The following INTS10 variants were observed in gnomAD, a reference collection of about 807,000 sequenced individuals.
INTS10 encodes the protein integrator complex subunit 10, also known as chromosome 8 open reading frame 35.
INTS10 carries 44 observed loss-of-function variants against 94.4 expected under a neutral mutation model. That is an observed-to-expected ratio of 0.47 (90% CI 0.37 to 0.60). INTS10 has a LOEUF of 0.60. Ranked by LOEUF, INTS10 falls within the 20% of genes least tolerant of loss-of-function variation. The pLI, the probability that INTS10 is intolerant of heterozygous loss-of-function variation, is 0.00. For missense variants in INTS10, 797 were observed against 868.7 expected, an observed-to-expected ratio of 0.92 and a Z score of 1.04; for synonymous variants, 341 against 320.7, an observed-to-expected ratio of 1.06 and a Z score of -0.68.
chr8:19,823,733 T>G (rs2066570631), intron 6 of INTS10, 140 bp from the exon 7 acceptor site: 2 of 726,812 alleles, frequency 2.8e-6, no homozygotes, highest in African/African-American at 3.6e-5. Flanking sequence ...TGGCCTCTTG[T>G]CGGTCCTTGA....
At chr8:19,821,956 C>T (rs938725309) in intron 4 of INTS10, 1 of 152,710 alleles carries the variant, frequency 6.5e-6, no homozygotes, top group Non-Finnish European at 1.5e-5. Flanking sequence ...GAAAGGTAGC[C>T]TTAAAACTCT....
At chr8:19,818,121 A>T (rs567905066) in intron 1 of INTS10, 154 bp from the exon 2 acceptor site, 3 of 741,322 alleles carry the variant, frequency 4.0e-6, no homozygotes, top group East Asian at 2.5e-5. Context: ...TCTAAGCCCA[A>T]TGGCAAGTCT....
chr8:19,844,541 C>T lies in INTS10; in HGVS notation c.1882+303C>T, dbSNP rs142777844. ...AGGTTGCTGATAGGTCCAGCTTGCC[C>T]GGTTTAGTCAAGGAATATAATACTA... On this transcript the variant is annotated intron_variant, in intron 15 of 16. Coordinates refer to ENST00000397977, the MANE Select transcript of INTS10 (RefSeq NM_018142.4). Among the ~76,000 whole-genome samples, 382 of 152,248 alleles carry T rather than the reference C, an allele frequency of 2.5e-3. 2 individuals carry two copies. Among genetic ancestry groups the T allele is most frequent in the African/African-American group, 8.7e-3 (361 of 41,540 alleles).
At chr8:19,839,071 C>T (rs569299421) in intron 13 of INTS10, among the ~76,000 whole-genome samples, 2 of 144,796 alleles carry the variant, frequency 1.4e-5, no homozygotes, top group Non-Finnish European at 3.0e-5. Flanking sequence ...GACTCCGTTT[C>T]AAAAAAAAAA....
intron 9 of INTS10, among the ~76,000 whole-genome samples, chr8:19,829,999 A>G (rs2067108894): frequency 1.3e-5 from 2 of 152,206 alleles, no homozygotes; most frequent in South Asian, 4.1e-4. Context: ...GTACATGCCA[A>G]ACCATTATTT....
rs1268805510 is a variant in INTS10, at chr8:19,849,983, C to CCAAT, written c.1977-1665_1977-1664insAATC. The stretch of plus-strand genomic sequence containing the variant: ...TTAAAAGCAGGGTTTATTAGCCAGG[C>CCAAT]CTGGTGGCATATGCCTGTAATCCCA... On this transcript the variant is annotated intron_variant, in intron 16 of 16. Coordinates refer to ENST00000397977, the MANE Select transcript of INTS10 (RefSeq NM_018142.4). The surrounding 1 kb of genome is among the most constrained non-coding windows in gnomAD (Gnocchi z 4.6). Among the ~76,000 whole-genome samples, 2 of 151,898 alleles carry CCAAT rather than the reference C, an allele frequency of 1.3e-5. No homozygotes were observed. Among genetic ancestry groups the CCAAT allele is most frequent in the Non-Finnish European group, 2.9e-5 (2 of 68,000 alleles).
intron 5 of INTS10, among the ~76,000 whole-genome samples, chr8:19,822,721 G>A (rs527741450): frequency 7.3e-4 from 111 of 152,218 alleles, no homozygotes; most frequent in Middle Eastern, 3.4e-3. Context: ...GGAGGCCAAG[G>A]TGGGTGGATC....
chr8:19,824,136 G>A (rs2410612), intron 7 of INTS10, 92 bp downstream of exon 7: 734,064 of 1,105,820 alleles, frequency 0.66, 245,574 homozygotes, highest in Non-Finnish European at 0.67. Context: ...GTAATGCGTA[G>A]GTATAGTTTT....
At chr8:19,820,820 G>A (rs1169939975) in intron 4 of INTS10, 1 of 233,974 alleles carries the variant, frequency 4.3e-6, no homozygotes, top group Non-Finnish European at 8.2e-6. Flanking sequence ...TTTGAATTTA[G>A]CGTAGAGTTT....
chr8:19,829,254 G>T (rs1382686842), intron 9 of INTS10, among the ~76,000 whole-genome samples: 1 of 152,142 alleles, frequency 6.6e-6, no homozygotes, highest in Non-Finnish European at 1.5e-5. Context: ...GTAAAGATCT[G>T]CAGGAAGAAT....
chr8:19,840,260 A>G (rs1400413591), intron 13 of INTS10, among the ~76,000 whole-genome samples: 1 of 152,170 alleles, frequency 6.6e-6, no homozygotes, highest in African/African-American at 2.4e-5. Flanking sequence ...AATATCAGAA[A>G]ACATTTCTGA....
chr8:19,821,246 G>A (rs1205599651), intron 4 of INTS10: 1 of 152,178 alleles, frequency 6.6e-6, no homozygotes, highest in Non-Finnish European at 1.5e-5. Context: ...AATTCTGGAA[G>A]CTAGAAGTCT....
chr8:19,821,221 CAGA>C (rs1419868358), intron 4 of INTS10: 4 of 152,198 alleles, frequency 2.6e-5, no homozygotes, highest in Admixed American at 1.3e-4. Flanking sequence ...CTTAAAACAA[CAGA>C]AGGACTCCCA....
At position 19,852,026 on chromosome 8, in the gene INTS10, TA is replaced by T. The variant is rs1352322710; in HGVS notation, c.*222del. ...TTTTGTAATTTTTGTAAAACAAAAG[TA>T]CCAATCTGTTTTGTAAATAAAAATC... On this transcript the variant is annotated 3_prime_UTR_variant, in exon 17 of 17. Transcript: ENST00000397977. 3 of 378,764 alleles carry T rather than the reference TA, an allele frequency of 7.9e-6. No individual in the cohort carries two copies. The highest frequency in any genetic ancestry group is 4.1e-5 in the Admixed American group (1 of 24,644). 23.5% of individuals were successfully genotyped at this position (378,764 alleles called of 1,614,324 possible).
In INTS10 at chr8:19,851,945, TG is replaced by T; in HGVS notation, c.*141del. 1.7e-6 allele frequency: 1 copy of T among 600,130 alleles called. No individual in the cohort carries two copies. The highest frequency in any genetic ancestry group is 3.8e-5 in the South Asian group (1 of 26,398). 37.2% of individuals were successfully genotyped at this position (600,130 alleles called of 1,614,324 possible). On this transcript the variant is annotated 3_prime_UTR_variant, in exon 17 of 17. Coordinates refer to ENST00000397977, the MANE Select transcript of INTS10 (RefSeq NM_018142.4). The surrounding 1 kb of genome is among the most constrained non-coding windows in gnomAD (Gnocchi z 5.0). Reference sequence around the variant, plus strand: ...ACCATCTGAGTTCTAACTCCTTGGTTGCTTAAAAGTAGTTCCCAAGAGTCTG... The same window carrying T: ...ACCATCTGAGTTCTAACTCCTTGGTTCTTAAAAGTAGTTCCCAAGAGTCTG...
intron 9 of INTS10, 26 bp from the exon 10 acceptor site, chr8:19,830,380 C>G (rs1217248294): frequency 1.3e-6 from 2 of 1,596,840 alleles, no homozygotes; most frequent in South Asian, 1.1e-5. Flanking sequence ...ACTGAATTAA[C>G]CATGTTCTCC....
chr8:19,836,569 G>T (rs1417643296), intron 12 of INTS10, among the ~76,000 whole-genome samples: 2 of 152,132 alleles, frequency 1.3e-5, no homozygotes, highest in Admixed American at 6.6e-5. Context: ...TCTCTTTAAG[G>T]CTTAGGTCAA....
At chr8:19,842,714 A>G (rs1279510957) in intron 13 of INTS10, 134 bp from the exon 14 acceptor site, 3 of 582,486 alleles carry the variant, frequency 5.2e-6, no homozygotes, top group African/African-American at 3.8e-5. Flanking sequence ...TGTTTCAAAT[A>G]TAATTGAAAT....
At chr8:19,820,257 A>T in intron 3 of INTS10, 122 bp from the exon 4 acceptor site, 1 of 882,730 alleles carries the variant, frequency 1.1e-6, no homozygotes, top group Non-Finnish European at 1.6e-6. Flanking sequence ...GGTGAAACTT[A>T]ACTGCATTGA....
Sources: gnomAD v4.1 joint callset for allele counts (sites outside exome capture counted in the v4.1 genomes callset) on GRCh38, gnomAD v4.1.1 for gene constraint, Gnocchi (gnomAD v3.1) non-coding constraint, MANE v1.5 for transcripts, NCBI Gene and HGNC (gene_info 2026-07-23, HGNC 2026-07-21) for gene names.